RILPL1: variants seen among roughly 807,000 people sequenced by gnomAD.
The protein encoded by RILPL1 is Rab interacting lysosomal protein like 1.
In RILPL1, 33 loss-of-function variants were observed where a neutral mutation model predicts 50.3. The ratio of observed to expected loss-of-function variants is 0.66; its 90% CI spans 0.50 to 0.88. The LOEUF is 0.88. Among genes scored for constraint, RILPL1 ranks in the 40% least tolerant of loss-of-function variants. RILPL1 has a pLI of 0.00. For synonymous variants in RILPL1, 205 were observed against 228.6 expected, an observed-to-expected ratio of 0.90 and a Z score of 0.93; for missense variants, 418 against 542.5, an observed-to-expected ratio of 0.77 and a Z score of 2.28.
chr12:123,497,161 G>A (rs1028236078), intron 4 of RILPL1, among the ~76,000 whole-genome samples: 3 of 152,208 alleles, frequency 2.0e-5, no homozygotes, highest in Non-Finnish European at 4.4e-5. Flanking sequence ...CCTGTATGGA[G>A]AGACCACTGT....
At chr12:123,528,932 C>A (rs183287151) in intron 1 of RILPL1, among the ~76,000 whole-genome samples, 1 of 152,202 alleles carries the variant, frequency 6.6e-6, no homozygotes, top group African/African-American at 2.4e-5. Context: ...ATCTCCTTCA[C>A]GTTCTTCCCT....
intron 2 of RILPL1, among the ~76,000 whole-genome samples, chr12:123,523,118 G>T (rs1424790422): frequency 6.6e-6 from 1 of 152,016 alleles, no homozygotes; most frequent in Non-Finnish European, 1.5e-5. Context: ...CCCAGAGCAC[G>T]GCCGCCCCCT....
rs1882280357 is a variant in RILPL1 at position 123,485,696 on chromosome 12, T to TAA, written c.910_911insTT (p.His304LeufsTer139). The stretch of plus-strand genomic sequence containing the variant: ...CTTGGACTTGAGCTCGTTCCTCTCG[T>TAA]GCAGCACGTCCCGCAGCTCCTGCAG... On this transcript the variant is annotated frameshift_variant, in exon 5 of 7. Transcript: ENST00000376874. LOFTEE classifies it high-confidence loss of function. This position sits in a 1 kb window ranked among gnomAD's most constrained non-coding sequence, Gnocchi z 4.0. 1 of 1,613,642 alleles carries TAA rather than the reference T, an allele frequency of 6.2e-7. No individual in the cohort carries two copies. The highest frequency in any genetic ancestry group is 1.7e-5 in the Admixed American group (1 of 59,954).
rs965073198 is a variant in RILPL1, at chr12:123,491,816, G to C, written c.802-6011C>G. ...GGTCAAGAGTTCGAGATCAGCCTGG[G>C]CAACATGGTAAAACCCTGTCTCTAC... On this transcript the variant is annotated intron_variant, in intron 4 of 6. Coordinates refer to ENST00000376874, the MANE Select transcript of RILPL1 (RefSeq NM_178314.5). The surrounding 1 kb of genome is among the most constrained non-coding windows in gnomAD (Gnocchi z 4.0). Among the ~76,000 whole-genome samples, 1 of 152,020 alleles carries C rather than the reference G, an allele frequency of 6.6e-6. No individual in the cohort carries two copies. The highest frequency in any genetic ancestry group is 1.5e-5 in the Non-Finnish European group (1 of 68,016).
rs1263322229 is a variant in RILPL1 at position 123,484,192 on chromosome 12, C to G, written c.1055G>C (p.Gly352Ala). Residue 352 changes from glycine (G) to alanine (A), a missense_variant, in exon 6 of 7, where the codon GGC becomes GCC. Gly to Ala is a moderately conservative substitution (Grantham distance 60). Coordinates refer to ENST00000376874, the MANE Select transcript of RILPL1 (RefSeq NM_178314.5). ...HPRTSPQPES[G>A]IKRLFSFFSR... ...GCGCATCACTTACAGTCGCTTGATG[C>G]CCGACTCCGGCTGGGGGGACGTCCT... 3 of 1,607,892 alleles carry G rather than the reference C, an allele frequency of 1.9e-6. No homozygotes were observed. Among genetic ancestry groups the G allele is most frequent in the Admixed American group, 3.3e-5 (2 of 59,944 alleles).
chr12:123,472,341 G>A lies in RILPL1; in HGVS notation c.*197C>T. On this transcript the variant is annotated 3_prime_UTR_variant, in exon 7 of 7. Transcript: ENST00000376874. ...CTATTAGAAACAGTGATAGCCCTGGGTATAAATAAACATTTCTTTAGAGTT... is the reference window on the plus strand; with the variant it reads ...CTATTAGAAACAGTGATAGCCCTGGATATAAATAAACATTTCTTTAGAGTT... The A allele has an allele frequency of 1.7e-6, 1 of 578,474 alleles. No individual in the cohort carries two copies. The highest frequency in any genetic ancestry group is 3.1e-6 in the Non-Finnish European group (1 of 327,168). 35.8% of individuals were successfully genotyped at this position (578,474 alleles called of 1,614,324 possible).
intron 1 of RILPL1, among the ~76,000 whole-genome samples, chr12:123,528,841 C>T (rs1885354882): frequency 6.6e-6 from 1 of 152,176 alleles, no homozygotes; most frequent in East Asian, 1.9e-4. Context: ...CTGATTCTCG[C>T]CTCTGAGTTG....
Position 123,470,225 on chromosome 12 carries a change from C to T in RILPL1, c.*2313G>A, listed in dbSNP as rs1251047346. ...AGGCACGGTGGCTCACACCTGAATT[C>T]CCAGCACTTTGGGAGGCTGGGGTGT... On this transcript the variant is annotated 3_prime_UTR_variant, in exon 7 of 7. Transcript: ENST00000376874. The T allele has an allele frequency of 6.6e-6, 1 of 152,046 alleles. No individual in the cohort carries two copies. The highest frequency in any genetic ancestry group is 2.4e-5 in the African/African-American group (1 of 41,392). The allele number at this position is 152,046 out of a possible 1,614,324, so 9.4% of individuals were successfully genotyped here.
intron 2 of RILPL1, among the ~76,000 whole-genome samples, chr12:123,511,685 G>GTGT (rs1566136045): frequency 8.0e-6 from 1 of 124,330 alleles, no homozygotes; most frequent in Admixed American, 8.1e-5. Context: ...TGTGGTGTGT[G>GTGT]GTGTGTGTGT....
rs551516181 is a variant in RILPL1, at chr12:123,510,968, T to A, written c.461-11432A>T. On this transcript the variant is annotated intron_variant, in intron 2 of 6. Coordinates refer to ENST00000376874, the MANE Select transcript of RILPL1 (RefSeq NM_178314.5). ...TTGTGTGTATGTGATGTGTGAGGTC[T>A]GTGTGTGTGTGGTGTGTGTGAGGTC... is the stretch of plus-strand genomic sequence containing the variant. Among the ~76,000 whole-genome samples the A allele has an allele frequency of 3.6e-3, 501 of 137,688 alleles. 1 individual carries two copies. Among genetic ancestry groups the A allele is most frequent in the African/African-American group, 0.014 (470 of 33,404 alleles). The allele number at this position is 137,688 out of a possible 152,430, so 90.3% of individuals were successfully genotyped here.
At chr12:123,478,200 T>C (rs1881729159) in intron 6 of RILPL1, among the ~76,000 whole-genome samples, 1 of 151,650 alleles carries the variant, frequency 6.6e-6, no homozygotes, top group Non-Finnish European at 1.5e-5. Context: ...AGGGTCTTGC[T>C]ATGTTGCCCA....
In RILPL1 at chr12:123,498,396, ATGTT is replaced by A. The variant is rs1883165993; in HGVS notation, c.801+144_801+147del. On this transcript the variant is annotated intron_variant, in intron 4 of 6. Transcript: ENST00000376874. The surrounding 1 kb of genome is among the most constrained non-coding windows in gnomAD (Gnocchi z 4.3). Reference sequence around the variant, plus strand: ...CACCACGCGTGGCTAATTAAAAAAAATGTTTGTAGAGAATTGGGGTCTTGCTATG... The same window carrying A: ...CACCACGCGTGGCTAATTAAAAAAAATGTAGAGAATTGGGGTCTTGCTATG... The A allele has an allele frequency of 1.6e-5, 11 of 676,502 alleles. No homozygotes were observed. Among genetic ancestry groups the A allele is most frequent in the South Asian group, 1.5e-4 (8 of 54,914 alleles). The allele number at this position is 676,502 out of a possible 1,614,324, so 41.9% of individuals were successfully genotyped here.
At chr12:123,506,281 G>A (rs73412276) in intron 2 of RILPL1, among the ~76,000 whole-genome samples, 4 of 152,224 alleles carry the variant, frequency 2.6e-5, no homozygotes, top group Non-Finnish European at 2.9e-5. Context: ...AGGGCAATGC[G>A]GGCTGAGGCG....
chr12:123,531,228 A>C (rs1593613378), intron 1 of RILPL1, among the ~76,000 whole-genome samples: 1 of 152,208 alleles, frequency 6.6e-6, no homozygotes, highest in East Asian at 1.9e-4. Context: ...GGTCATCCTC[A>C]ATGTAAGTCA....
chr12:123,499,339 C>T lies in RILPL1; in HGVS notation c.579+79G>A, dbSNP rs1566125685. On this transcript the variant is annotated intron_variant, in intron 3 of 6. Transcript: ENST00000376874. ...AATGAGAGTGAGGGAGAGAAGGGGC[C>T]TGCTGAGTGGAGGGTCTGGTCTCTG... 5 of 933,776 alleles carry T rather than the reference C, an allele frequency of 5.4e-6. No individual in the cohort carries two copies. The East Asian group carries it at 1.2e-4, about 23-fold the overall frequency. The allele number at this position is 933,776 out of a possible 1,614,324, so 57.8% of individuals were successfully genotyped here.
At position 123,472,658 on chromosome 12, in the gene RILPL1, C is replaced by T; in HGVS notation, c.1092G>A (p.Lys364=). Residue 364 remains lysine, a synonymous_variant, in exon 7 of 7, where the codon AAG becomes AAA. Transcript: ENST00000376874. ...TTCTCTGTGTGTTGGCCAGGCGCTTCTTATCTCGGGAGAAGAAGCTAAACC... is the reference window on the plus strand; with the variant it reads ...TTCTCTGTGTGTTGGCCAGGCGCTTTTTATCTCGGGAGAAGAAGCTAAACC... ...KRLFSFFSRD[K]KRLANTQRNV... 1.9e-6 allele frequency: 3 copies of T among 1,598,950 alleles called. No homozygotes were observed. Among genetic ancestry groups the T allele is most frequent in the Non-Finnish European group, 2.6e-6 (3 of 1,172,744 alleles).
intron 2 of RILPL1, among the ~76,000 whole-genome samples, chr12:123,510,782 T>G (rs1225191356): frequency 2.0e-3 from 170 of 82,944 alleles, no homozygotes; most frequent in East Asian, 4.1e-3. Context: ...TGTGTGTGTG[T>G]GGTATATGTG....
chr12:123,475,703 T>C, intron 6 of RILPL1: 1 of 1,594,584 alleles, frequency 6.3e-7, no homozygotes, highest in East Asian at 2.2e-5. Context: ...TGTGGGGTCA[T>C]CTATTATCAG....
At chr12:123,507,691 C>A (rs1211285082) in intron 2 of RILPL1, among the ~76,000 whole-genome samples, 2 of 151,942 alleles carry the variant, frequency 1.3e-5, no homozygotes, top group Admixed American at 1.3e-4. Context: ...CCTGTAATCC[C>A]AGCACTTTGG....
Sources: allele counts gnomAD v4.1 joint callset (sites outside exome capture counted in the v4.1 genomes callset), GRCh38; gene constraint gnomAD v4.1.1; non-coding constraint Gnocchi (gnomAD v3.1); transcripts MANE v1.5; gene names NCBI Gene and HGNC (gene_info 2026-07-23, HGNC 2026-07-21).